The following PRKD1 variants were observed in gnomAD, a reference collection of about 807,000 sequenced individuals.
PRKD1 encodes the protein serine/threonine-protein kinase D1.
Under a neutral mutation model 95.9 loss-of-function variants are expected in PRKD1, and 63 were observed. The ratio of observed to expected loss-of-function variants is 0.66; its 90% confidence interval spans 0.54 to 0.81. The LOEUF is 0.81. PRKD1 is among the 30% of genes least tolerant of loss of function. The probability of loss-of-function intolerance (pLI) is 0.00; values close to 1 mark genes in which losing one functional copy is unlikely to be tolerated. For missense variants in PRKD1, 1,048 were observed against 1,165.3 expected (o/e 0.90, Z 1.47); for synonymous variants, 425 against 423.1 (o/e 1.00, Z -0.05).
intron 1 of PRKD1, among the ~76,000 whole-genome samples, chr14:29,893,399 GGT>G (rs1491448305): frequency 3.3e-5 from 4 of 122,410 alleles, no homozygotes; most frequent in Non-Finnish European, 6.9e-5. Context: ...AATAGAAAGA[GGT>G]TTTTTTTTGG....
intron 10 of PRKD1, among the ~76,000 whole-genome samples, chr14:29,629,988 C>CTCT (rs35838437): frequency 1.7e-4 from 24 of 143,750 alleles, no homozygotes; most frequent in African/African-American, 6.1e-4. Context: ...CTTCCTCCTC[C>CTCT]TCTTCTTCTT....
chr14:29,756,233 T>G (rs1887691153), intron 1 of PRKD1, among the ~76,000 whole-genome samples: 1 of 152,170 alleles, frequency 6.6e-6, no homozygotes, highest in African/African-American at 2.4e-5. Flanking sequence ...GAATTTTAAC[T>G]GTAACAAACT....
At chr14:29,822,878 A>C (rs1314650808) in intron 1 of PRKD1, among the ~76,000 whole-genome samples, 1 of 152,208 alleles carries the variant, frequency 6.6e-6, no homozygotes, top group Non-Finnish European at 1.5e-5. Context: ...ATACCTAACT[A>C]AAGAAGAGCT....
At chr14:29,701,006 A>ACACACC (rs1555337080) in intron 2 of PRKD1, among the ~76,000 whole-genome samples, 18 of 50,668 alleles carry the variant, frequency 3.6e-4, no homozygotes, top group African/African-American at 1.6e-3. Context: ...ACACACACAC[A>ACACACC]CCCTGTTGTG....
chr14:29,888,769 T>C (rs1290919912), intron 1 of PRKD1, among the ~76,000 whole-genome samples: 2 of 152,236 alleles, frequency 1.3e-5, no homozygotes, highest in African/African-American at 2.4e-5. Flanking sequence ...TTATTATTAC[T>C]ACATCACTAA....
At chr14:29,798,292 CAT>C (rs1254568059) in intron 1 of PRKD1, among the ~76,000 whole-genome samples, 2 of 152,328 alleles carry the variant, frequency 1.3e-5, no homozygotes, top group South Asian at 2.1e-4. Context: ...TTTTCAGACT[CAT>C]GTGGCAGAAG....
intron 13 of PRKD1, among the ~76,000 whole-genome samples, chr14:29,604,077 A>T (rs1893620114): frequency 3.9e-5 from 6 of 152,192 alleles, no homozygotes; most frequent in Admixed American, 3.9e-4. Context: ...CACTAGAATC[A>T]AAAGCTTTTA....
chr14:29,637,623 G>T (rs530736067), intron 6 of PRKD1, among the ~76,000 whole-genome samples: 12 of 152,150 alleles, frequency 7.9e-5, no homozygotes, highest in Non-Finnish European at 1.5e-4. Context: ...TGGGACGATC[G>T]CCAAGCTTTC....
At chr14:29,610,792 G>A (rs983096463) in intron 13 of PRKD1, among the ~76,000 whole-genome samples, 6 of 152,244 alleles carry the variant, frequency 3.9e-5, no homozygotes, top group Admixed American at 3.3e-4. Context: ...AACAAACTGT[G>A]GTACATCCAG....
chr14:29,764,202 T>C (rs888201363), intron 1 of PRKD1, among the ~76,000 whole-genome samples: 3 of 152,068 alleles, frequency 2.0e-5, no homozygotes, highest in African/African-American at 4.8e-5. Flanking sequence ...CGTACATGCT[T>C]GGTAAAGAAC....
Position 29,633,733 on chromosome 14 carries a change from A to G in PRKD1, c.1314+685T>C, listed in dbSNP as rs141349393. Among the ~76,000 whole-genome samples the G allele has an allele frequency of 9.8e-5, 15 of 152,350 alleles. No homozygotes were observed. In the East Asian group the frequency reaches 2.1e-3, roughly 22 times the overall value. ...TCTAAAAAGAACTAGGCGGTATTCA[A>G]TTGAGTCCTATAATATCAGGTAGGT... On this transcript the variant is annotated intron_variant, in intron 8 of 17. Coordinates refer to ENST00000331968, the MANE Select transcript of PRKD1 (RefSeq NM_002742.3).
intron 4 of PRKD1, among the ~76,000 whole-genome samples, chr14:29,645,486 T>C (rs943910031): frequency 2.0e-5 from 3 of 152,206 alleles, no homozygotes; most frequent in Admixed American, 1.3e-4. Flanking sequence ...GTTAATCTTT[T>C]ATTCCAGAAA....
chr14:29,607,604 G>A (rs1465803356), intron 13 of PRKD1, among the ~76,000 whole-genome samples: 6 of 152,132 alleles, frequency 3.9e-5, no homozygotes, highest in African/African-American at 1.4e-4. Context: ...TCATGATGTT[G>A]CTCCCCACAT....
At chr14:29,910,819 C>G (rs996410908) in intron 1 of PRKD1, among the ~76,000 whole-genome samples, 1 of 152,112 alleles carries the variant, frequency 6.6e-6, no homozygotes, top group African/African-American at 2.4e-5. Flanking sequence ...CTATACTTGT[C>G]ACAAAAATCC....
intron 2 of PRKD1, among the ~76,000 whole-genome samples, chr14:29,721,677 A>G (rs1885905198): frequency 6.7e-6 from 1 of 148,610 alleles, no homozygotes; most frequent in Non-Finnish European, 1.5e-5. Context: ...CACTCTGGTA[A>G]AAAAAAAAAA....
Position 29,863,844 on chromosome 14 carries a change from G to C in PRKD1, c.264+63405C>G, listed in dbSNP as rs140804645. Among the ~76,000 whole-genome samples, 147 of 152,120 alleles carry C rather than the reference G, an allele frequency of 9.7e-4. 3 individuals carry two copies. Among genetic ancestry groups the C allele is most frequent in the African/African-American group, 3.4e-3 (140 of 41,504 alleles). On this transcript the variant is annotated intron_variant, in intron 1 of 17. Coordinates refer to ENST00000331968, the MANE Select transcript of PRKD1 (RefSeq NM_002742.3). ...ACTTTTTCCCCAACAAAAATCAGTAGAGCATACAGAGTTTTTCAAAGAATC... is the reference window on the plus strand; with the variant it reads ...ACTTTTTCCCCAACAAAAATCAGTACAGCATACAGAGTTTTTCAAAGAATC...
chr14:29,879,352 T>C (rs1431877210), intron 1 of PRKD1, among the ~76,000 whole-genome samples: 1 of 152,214 alleles, frequency 6.6e-6, no homozygotes, highest in Non-Finnish European at 1.5e-5. Flanking sequence ...TGATAGTGAA[T>C]ACGTCTCACG....
chr14:29,859,464 C>T (rs1298627587), intron 1 of PRKD1, among the ~76,000 whole-genome samples: 1 of 151,988 alleles, frequency 6.6e-6, no homozygotes, highest in Non-Finnish European at 1.5e-5. Flanking sequence ...AAAAATTAGC[C>T]GGGCATAGTG....
intron 1 of PRKD1, among the ~76,000 whole-genome samples, chr14:29,770,810 T>G (rs1594502003): frequency 6.7e-6 from 1 of 148,562 alleles, no homozygotes; most frequent in South Asian, 2.1e-4. Flanking sequence ...CTACAAAATA[T>G]AACAACAACA....
Sources: gnomAD v4.1 joint callset for allele counts (sites outside exome capture counted in the v4.1 genomes callset) on GRCh38, gnomAD v4.1.1 for gene constraint, MANE v1.5 for transcripts, NCBI Gene and HGNC (gene_info 2026-07-23, HGNC 2026-07-21) for gene names.